The following SMYD3 variants were observed in gnomAD, a reference collection of about 807,000 sequenced individuals.
SMYD3 encodes the protein SET and MYND domain containing 3, also known as histone-lysine N-methyltransferase SMYD3.
A neutral mutation model predicts 57.7 loss-of-function variants in SMYD3; 36 were observed. The observed-to-expected ratio is 0.62, with a 90% CI of 0.48 to 0.82. The LOEUF (loss-of-function observed/expected upper bound fraction) is 0.82, where lower values mean the gene tolerates loss of function less well. Among genes scored for constraint, SMYD3 ranks in the 40% least tolerant of loss-of-function variants. The pLI is 0.00. For synonymous variants in SMYD3, 211 were observed against 195.0 expected, an observed-to-expected ratio of 1.08 and a Z score of -0.68; for missense variants, 515 against 538.8, an observed-to-expected ratio of 0.96 and a Z score of 0.44.
chr1:246,043,335 T>C (rs2059909978), intron 5 of SMYD3, among the ~76,000 whole-genome samples: 1 of 152,230 alleles, frequency 6.6e-6, no homozygotes, highest in African/African-American at 2.4e-5. Context: ...AGCCAATCAA[T>C]TAAAATGCTC....
chr1:245,979,553 G>A (rs1382554598), intron 5 of SMYD3, among the ~76,000 whole-genome samples: 1 of 152,144 alleles, frequency 6.6e-6, no homozygotes, highest in Non-Finnish European at 1.5e-5. Flanking sequence ...GGTACAAGCA[G>A]GGAACACCAA....
intron 1 of SMYD3, among the ~76,000 whole-genome samples, chr1:246,444,546 A>T (rs2067524490): frequency 6.6e-6 from 1 of 152,246 alleles, no homozygotes; most frequent in African/African-American, 2.4e-5. Flanking sequence ...TGCCTTTGTC[A>T]AGTGGGAGGA....
Position 246,503,109 on chromosome 1 carries a change from C to T in SMYD3, c.164+3945G>A, listed in dbSNP as rs193259905. Among the ~76,000 whole-genome samples, 16 of 152,308 alleles carry T rather than the reference C, an allele frequency of 1.1e-4. No individual in the cohort carries two copies. In the East Asian group the frequency reaches 3.1e-3, roughly 29 times the overall value. ...CCTCAACCCATTTAACATCCCCACC[C>T]TAACCCTAGAACTTTAGCCAGCCAA... On this transcript the variant is annotated intron_variant, in intron 1 of 11. Transcript: ENST00000490107.
At chr1:245,815,444 C>G (rs1442857492) in intron 10 of SMYD3, among the ~76,000 whole-genome samples, 1 of 152,218 alleles carries the variant, frequency 6.6e-6, no homozygotes, top group East Asian at 1.9e-4. Flanking sequence ...TATGGGTAAC[C>G]TCCATCAGAA....
chr1:246,137,203 A>C (rs1174890375), intron 5 of SMYD3, among the ~76,000 whole-genome samples: 2 of 152,158 alleles, frequency 1.3e-5, no homozygotes, highest in African/African-American at 4.8e-5. Context: ...CATCACCACT[A>C]TGTAATTCCA....
At chr1:245,819,051 A>C (rs2049012448) in intron 10 of SMYD3, among the ~76,000 whole-genome samples, 1 of 116,914 alleles carries the variant, frequency 8.6e-6, no homozygotes, top group Non-Finnish European at 1.7e-5. Flanking sequence ...GACCTAATAG[A>C]CATCTACAGA....
At chr1:246,049,356 G>GT (rs2060024509) in intron 5 of SMYD3, among the ~76,000 whole-genome samples, 1 of 152,108 alleles carries the variant, frequency 6.6e-6, no homozygotes, top group Admixed American at 6.5e-5. Flanking sequence ...GAGTGCAGGG[G>GT]TGCAACCTCA....
chr1:246,402,381 T>TTTTTTTTTTTTTTTTTTTTTTTTTGAG (rs1239559421), intron 1 of SMYD3, among the ~76,000 whole-genome samples: 1 of 151,502 alleles, frequency 6.6e-6, no homozygotes, highest in Non-Finnish European at 1.5e-5. Context: ...AACGCCATCT[T>TTTTTTTTTTTTTTTTTTTTTTTTTGAG]AAAGATGATC....
In SMYD3 at chr1:246,361,786, G is replaced by A. The variant is rs558758936; in HGVS notation, c.165-6692C>T. On this transcript the variant is annotated intron_variant, in intron 1 of 11. Coordinates refer to ENST00000490107, the MANE Select transcript of SMYD3 (RefSeq NM_001167740.2). ...TAGGAATGATACACTGGACATCGGGGACTCAGGAGAAACGTTGGGAAGGGG... is the reference window on the plus strand; with the variant it reads ...TAGGAATGATACACTGGACATCGGGAACTCAGGAGAAACGTTGGGAAGGGG... Among the ~76,000 whole-genome samples the A allele has an allele frequency of 3.9e-5, 6 of 152,292 alleles. No homozygotes were observed. The South Asian group carries it at 1.2e-3, about 32-fold the overall frequency.
At chr1:246,233,666 C>T (rs200283471) in intron 5 of SMYD3, among the ~76,000 whole-genome samples, 4,263 of 107,708 alleles carry the variant, frequency 0.04, 13 homozygotes, top group East Asian at 0.19. Context: ...ACATATACCA[C>T]ACAGAGGAGA....
At chr1:245,904,656 C>A (rs1475016655) in intron 8 of SMYD3, among the ~76,000 whole-genome samples, 1 of 152,142 alleles carries the variant, frequency 6.6e-6, no homozygotes, top group Non-Finnish European at 1.5e-5. Flanking sequence ...ACCTGAAAGG[C>A]AGTCTAGGCC....
At chr1:246,273,139 T>C (rs1197169273) in intron 5 of SMYD3, among the ~76,000 whole-genome samples, 3 of 131,366 alleles carry the variant, frequency 2.3e-5, no homozygotes, top group Admixed American at 2.2e-4. Context: ...TGTTTTCTTT[T>C]TTTTTTTTTT....
chr1:246,102,457 C>T (rs1453124300), intron 5 of SMYD3, among the ~76,000 whole-genome samples: 1 of 152,102 alleles, frequency 6.6e-6, no homozygotes, highest in Non-Finnish European at 1.5e-5. Flanking sequence ...ACCCTTTAAT[C>T]GCTGTTCCTC....
chr1:245,781,791 G>A (rs1193639831), intron 10 of SMYD3, among the ~76,000 whole-genome samples: 1 of 152,024 alleles, frequency 6.6e-6, no homozygotes, highest in Non-Finnish European at 1.5e-5. Flanking sequence ...CTAATACGGT[G>A]AAACCCCGTC....
chr1:245,763,729 G>C (rs1273460222), intron 11 of SMYD3, among the ~76,000 whole-genome samples: 1 of 152,134 alleles, frequency 6.6e-6, no homozygotes, highest in Non-Finnish European at 1.5e-5. Context: ...AACGTGGAGA[G>C]GGCACAGGAG....
intron 5 of SMYD3, among the ~76,000 whole-genome samples, chr1:246,147,494 G>A (rs997330847): frequency 6.6e-6 from 1 of 152,188 alleles, no homozygotes; most frequent in Non-Finnish European, 1.5e-5. Flanking sequence ...AGGGAGGCCG[G>A]CTAGGGCTGC....
Position 246,209,578 on chromosome 1 carries a change from G to T in SMYD3, c.531+117623C>A, listed in dbSNP as rs10802346. Among the ~76,000 whole-genome samples, 3 of 142,560 alleles carry T rather than the reference G, an allele frequency of 2.1e-5. 1 individual carries two copies. The highest frequency in any genetic ancestry group is 7.6e-5 in the African/African-American group (3 of 39,336). 93.5% of individuals were successfully genotyped at this position (142,560 alleles called of 152,430 possible). A position where few individuals can be genotyped will look rare whatever the true frequency, so the allele number is the denominator to read the frequency against. On this transcript the variant is annotated intron_variant, in intron 5 of 11. Transcript: ENST00000490107. ...AGACCACTGAAATATTATCAGCATTGGGGTAAAAAAAAAAAAAGGTAACTG... is the reference window on the plus strand; with the variant it reads ...AGACCACTGAAATATTATCAGCATTTGGGTAAAAAAAAAAAAAGGTAACTG...
At chr1:246,386,821 G>T (rs2066490313) in intron 1 of SMYD3, among the ~76,000 whole-genome samples, 1 of 151,562 alleles carries the variant, frequency 6.6e-6, no homozygotes, top group Admixed American at 6.6e-5. Flanking sequence ...CGCCGTGTAT[G>T]ATGTGAATCC....
intron 5 of SMYD3, among the ~76,000 whole-genome samples, chr1:245,957,981 G>C (rs2057896920): frequency 6.6e-6 from 1 of 152,126 alleles, no homozygotes; most frequent in South Asian, 2.1e-4. Context: ...TAGCAGACAA[G>C]GTAGGGACGC....
Sources: allele counts gnomAD v4.1 joint callset (sites outside exome capture counted in the v4.1 genomes callset), GRCh38; gene constraint gnomAD v4.1.1; transcripts MANE v1.5; gene names NCBI Gene and HGNC (gene_info 2026-07-23, HGNC 2026-07-21).